The following TMEM245 variants were observed in gnomAD, a reference collection of about 807,000 sequenced individuals.
TMEM245 encodes transmembrane protein 245.
TMEM245 carries 69 observed loss-of-function variants against 101.2 expected under a neutral mutation model. The ratio of observed to expected loss-of-function variants is 0.68; its 90% CI spans 0.56 to 0.83. The LOEUF is 0.83. Ranked by LOEUF, TMEM245 falls within the 40% of genes least tolerant of loss-of-function variation. The pLI, the probability that TMEM245 is intolerant of heterozygous loss-of-function variation, is 0.00. For missense variants in TMEM245, 1,075 were observed against 1,092.8 expected, an observed-to-expected ratio of 0.98 and a Z score of 0.23; for synonymous variants, 537 against 449.8, an observed-to-expected ratio of 1.19 and a Z score of -2.45.
intron 14 of TMEM245, among the ~76,000 whole-genome samples, chr9:109,041,659 A>G (rs866404146): frequency 1.1e-4 from 17 of 151,882 alleles, no homozygotes; most frequent in Middle Eastern, 6.8e-3. Context: ...TCTATTGTAC[A>G]GCATGGTGAC....
chr9:109,095,585 T>A (rs2583373), intron 3 of TMEM245, among the ~76,000 whole-genome samples: 1 of 152,120 alleles, frequency 6.6e-6, no homozygotes, highest in Non-Finnish European at 1.5e-5. Flanking sequence ...GAACACCACA[T>A]GAAGGACTTT....
chr9:109,061,418 T>C lies in TMEM245; in HGVS notation c.1624-966A>G, dbSNP rs369566631. ...TATTTCCTCTGCAACTTTCTGCCTA[T>C]TTACATAGAGACAATTTAGAATTTT... On this transcript the variant is annotated intron_variant, in intron 10 of 17. Transcript: ENST00000374586. 9.2e-4 allele frequency among the ~76,000 whole-genome samples: 140 copies of C among 152,338 alleles called. 3 individuals carry two copies. The South Asian group carries it at 0.026, about 28-fold the overall frequency.
intron 16 of TMEM245, 112 bp downstream of exon 16, chr9:109,036,094 T>G: frequency 1.3e-6 from 1 of 755,232 alleles, no homozygotes; most frequent in Non-Finnish European, 1.9e-6. Context: ...CACTGAAAAT[T>G]CCTACTACCA....
chr9:109,050,551 C>G lies in TMEM245; in HGVS notation c.1977+19G>C, dbSNP rs757706408. ...AACAGGGAAGGAAATATGACGTGTA[C>G]TTATCTATGTGGACGTACCAGAGAG... On this transcript the variant is annotated intron_variant, in intron 13 of 17. Transcript: ENST00000374586. The G allele has an allele frequency of 5.0e-6, 8 of 1,613,860 alleles. No individual in the cohort carries two copies. Among genetic ancestry groups the G allele is most frequent in the Non-Finnish European group, 4.2e-6 (5 of 1,179,964 alleles).
chr9:109,045,502 T>C (rs1828462177), intron 14 of TMEM245, among the ~76,000 whole-genome samples: 1 of 152,170 alleles, frequency 6.6e-6, no homozygotes, highest in South Asian at 2.1e-4. Context: ...AATTCAATAT[T>C]TTCATACAGT....
intron 9 of TMEM245, among the ~76,000 whole-genome samples, chr9:109,069,583 A>G (rs1829268802): frequency 1.3e-5 from 2 of 152,132 alleles, no homozygotes; most frequent in African/African-American, 4.8e-5. Context: ...ATTTATATCC[A>G]TATCCATTCT....
intron 3 of TMEM245, among the ~76,000 whole-genome samples, chr9:109,094,990 G>A (rs1006722161): frequency 6.6e-6 from 1 of 152,184 alleles, no homozygotes; most frequent in African/African-American, 2.4e-5. Flanking sequence ...CAGAGCCTGA[G>A]GTGGATCTTT....
At chr9:109,042,839 A>ATTTTTTTTTT (rs754295748) in intron 14 of TMEM245, among the ~76,000 whole-genome samples, 4 of 115,530 alleles carry the variant, frequency 3.5e-5, no homozygotes, top group African/African-American at 6.7e-5. Flanking sequence ...ATAGCTGACA[A>ATTTTTTTTTT]TTTTTTTTTT....
At chr9:109,024,315 C>T (rs143858621) in intron 17 of TMEM245, among the ~76,000 whole-genome samples, 2,332 of 152,302 alleles carry the variant, frequency 0.015, 27 homozygotes, top group Non-Finnish European at 0.024. Flanking sequence ...AGTTCTAAGG[C>T]TAGGATTTAC....
chr9:109,104,283 A>G (rs1384140848), intron 3 of TMEM245, among the ~76,000 whole-genome samples: 1 of 152,194 alleles, frequency 6.6e-6, no homozygotes, highest in East Asian at 1.9e-4. Flanking sequence ...TGCCTGTGTC[A>G]AAACATTCCA....
At chr9:109,058,725 G>A (rs920050156) in intron 11 of TMEM245, among the ~76,000 whole-genome samples, 5 of 151,922 alleles carry the variant, frequency 3.3e-5, no homozygotes, top group South Asian at 2.1e-4. Context: ...TGATCCTCCC[G>A]CCTCAGTCTC....
chr9:109,080,667 T>A (rs1042332720), intron 8 of TMEM245, among the ~76,000 whole-genome samples, 172 bp downstream of exon 8: 1 of 152,094 alleles, frequency 6.6e-6, no homozygotes, highest in Admixed American at 6.6e-5. Flanking sequence ...GAAAATATAC[T>A]AGGCAAATTC....
At chr9:109,079,143 G>A (rs528800736) in intron 8 of TMEM245, among the ~76,000 whole-genome samples, 3 of 152,098 alleles carry the variant, frequency 2.0e-5, no homozygotes, top group East Asian at 3.9e-4. Flanking sequence ...TTTCATCAAC[G>A]AAAGATCTCC....
chr9:109,087,432 T>C, intron 5 of TMEM245, 90 bp from the exon 6 acceptor site: 1 of 1,253,476 alleles, frequency 8.0e-7, no homozygotes, highest in South Asian at 1.6e-5. Context: ...AAAACCTTTC[T>C]AAAACAACAA....
In TMEM245 at chr9:109,119,772, T is replaced by G; in HGVS notation, c.142A>C (p.Lys48Gln). Residue 48 changes from lysine to glutamine, a missense_variant, in exon 1 of 18, where the codon AAG becomes CAG. Coordinates refer to ENST00000374586, the MANE Select transcript of TMEM245 (RefSeq NM_032012.4). ...RTAALALRFD[K>Q]PIKQAFYNTG... Reference sequence around the variant, plus strand: ...TTGTAGAAGGCCTGCTTAATGGGCTTGTCGAAGCGCAGCGCCAGCGCCGCG... The same window carrying G: ...TTGTAGAAGGCCTGCTTAATGGGCTGGTCGAAGCGCAGCGCCAGCGCCGCG... 6.7e-7 allele frequency: 1 copy of G among 1,491,578 alleles called. No individual in the cohort carries two copies. The highest frequency in any genetic ancestry group is 1.3e-5 in the South Asian group (1 of 79,358). The allele number at this position is 1,491,578 out of a possible 1,614,324, so 92.4% of individuals were successfully genotyped here.
intron 17 of TMEM245, among the ~76,000 whole-genome samples, chr9:109,031,972 T>A (rs968723802): frequency 2.6e-5 from 4 of 152,228 alleles, no homozygotes; most frequent in Non-Finnish European, 5.9e-5. Context: ...TGTATAAACC[T>A]ACACAAAATT....
chr9:109,037,053 G>C (rs569502312), intron 15 of TMEM245, among the ~76,000 whole-genome samples: 11 of 152,274 alleles, frequency 7.2e-5, no homozygotes, highest in African/African-American at 1.4e-4. Context: ...GAATGAACTT[G>C]ACAATGTAGA....
intron 11 of TMEM245, among the ~76,000 whole-genome samples, chr9:109,058,635 T>G (rs1185530174): frequency 6.6e-6 from 1 of 152,184 alleles, no homozygotes. Flanking sequence ...GACAGCGTCT[T>G]GCTTGCCCTG....
In TMEM245 at chr9:109,112,164, A is replaced by G. The variant is rs563370239; in HGVS notation, c.580-3594T>C. ...TCAAAGTATTCTAATACAAATTCAG[A>G]GCTAAGAAAATCTGTTGAAAACATT... On this transcript the variant is annotated intron_variant, in intron 1 of 17. Transcript: ENST00000374586. Among the ~76,000 whole-genome samples, 4 of 152,232 alleles carry G rather than the reference A, an allele frequency of 2.6e-5. No individual in the cohort carries two copies. The South Asian group carries it at 6.2e-4, about 24-fold the overall frequency.
Sources: gnomAD v4.1 joint callset for allele counts (sites outside exome capture counted in the v4.1 genomes callset) on GRCh38, gnomAD v4.1.1 for gene constraint, MANE v1.5 for transcripts, NCBI Gene and HGNC (gene_info 2026-07-23, HGNC 2026-07-21) for gene names.